RBCK1: variants seen among roughly 807,000 people sequenced by gnomAD.
The protein encoded by RBCK1 is RANBP2-type and C3HC4-type zinc finger containing 1.
A neutral mutation model predicts 71.1 loss-of-function variants in RBCK1; 44 were observed. The observed-to-expected ratio is 0.62, with a 90% CI of 0.49 to 0.80. RBCK1 has a LOEUF of 0.80. Among genes scored for constraint, RBCK1 ranks in the 30% least tolerant of loss-of-function variants. The pLI, the probability that RBCK1 is intolerant of heterozygous loss-of-function variation, is 0.00. For synonymous variants in RBCK1, 306 were observed against 279.7 expected, an observed-to-expected ratio of 1.09 and a Z score of -0.94; for missense variants, 569 against 685.0, an observed-to-expected ratio of 0.83 and a Z score of 1.89.
At chr20:421,070 T>C in intron 7 of RBCK1, 39 bp downstream of exon 7, 1 of 1,498,682 alleles carries the variant, frequency 6.7e-7, no homozygotes, top group African/African-American at 1.4e-5. Flanking sequence ...TGCAGCTTAA[T>C]CAAAGCCGCC....
At chr20:412,001 G>A (rs1172188572) in intron 2 of RBCK1, among the ~76,000 whole-genome samples, 1 of 152,174 alleles carries the variant, frequency 6.6e-6, no homozygotes, top group Admixed American at 6.5e-5. Flanking sequence ...ATACACACTA[G>A]CAGTGGAATT....
chr20:422,282 A>T lies in RBCK1; in HGVS notation c.1029+44A>T. 1.3e-6 allele frequency: 2 copies of T among 1,510,736 alleles called. No homozygotes were observed. Among genetic ancestry groups the T allele is most frequent in the Non-Finnish European group, 1.8e-6 (2 of 1,087,906 alleles). 93.6% of individuals were successfully genotyped at this position (1,510,736 alleles called of 1,614,324 possible). A position where few individuals can be genotyped will look rare whatever the true frequency, so the allele number is the denominator to read the frequency against. ...AGACATACCCCAAGTCCCAACTCCTAAGGAACTGGGCCCTGAGCAGGCAGC... is the reference window on the plus strand; with the variant it reads ...AGACATACCCCAAGTCCCAACTCCTTAGGAACTGGGCCCTGAGCAGGCAGC... On this transcript the variant is annotated intron_variant, in intron 8 of 11. Transcript: ENST00000356286. This position sits in a 1 kb window ranked among gnomAD's most constrained non-coding sequence, Gnocchi z 5.0.
intron 2 of RBCK1, among the ~76,000 whole-genome samples, chr20:412,044 T>C (rs1046176801): frequency 4.6e-5 from 7 of 152,368 alleles, no homozygotes; most frequent in Admixed American, 4.6e-4. Flanking sequence ...TGTTACTTTT[T>C]GAAGAAATGC....
At position 418,325 on chromosome 20, in the gene RBCK1, C is replaced by T. The variant is rs140458333; in HGVS notation, c.460+395C>T. 9.4e-4 allele frequency among the ~76,000 whole-genome samples: 143 copies of T among 152,146 alleles called. No individual in the cohort carries two copies. The Middle Eastern group carries it at 0.024, about 26-fold the overall frequency. ...AGTTGCTAAATTTTACAAAGTAGTA[C>T]ATAAAGAATTCCCATGTACCTTTCA... On this transcript the variant is annotated intron_variant, in intron 4 of 11. Transcript: ENST00000356286.
chr20:422,323 CTTTCT>C lies in RBCK1; in HGVS notation c.1029+89_1029+93del. The C allele has an allele frequency of 1.7e-6, 2 of 1,148,788 alleles. No individual in the cohort carries two copies. Among genetic ancestry groups the C allele is most frequent in the Non-Finnish European group, 2.5e-6 (2 of 788,828 alleles). 71.2% of individuals were successfully genotyped at this position (1,148,788 alleles called of 1,614,324 possible). On this transcript the variant is annotated intron_variant, in intron 8 of 11. Transcript: ENST00000356286. The surrounding 1 kb of genome is among the most constrained non-coding windows in gnomAD (Gnocchi z 5.0). ...AGCAGGCAGCAGACATCTTTCTTTT[CTTTCT>C]TTTTTTTTTTTGGAGATGGGGTCTC... is the stretch of plus-strand genomic sequence containing the variant.
intron 2 of RBCK1, 81 bp downstream of exon 2, chr20:410,106 C>A: frequency 6.8e-7 from 1 of 1,473,984 alleles, no homozygotes. Flanking sequence ...TTCCTAATGG[C>A]ACGTTCTGGC....
intron 4 of RBCK1, 96 bp from the exon 5 acceptor site, chr20:419,251 G>T (rs2016212668): frequency 6.5e-7 from 1 of 1,538,590 alleles, no homozygotes; most frequent in Non-Finnish European, 8.8e-7. Flanking sequence ...AGAGGATAGG[G>T]GGAGGGTCTG....
chr20:410,839 G>T, intron 2 of RBCK1: 2 of 320,276 alleles, frequency 6.2e-6, no homozygotes, highest in South Asian at 7.1e-5. Flanking sequence ...TCTCTTGGTG[G>T]GTCCCATTTG....
At chr20:411,228 G>A (rs1314300776) in intron 2 of RBCK1, among the ~76,000 whole-genome samples, 2 of 144,164 alleles carry the variant, frequency 1.4e-5, no homozygotes, top group South Asian at 2.2e-4. Flanking sequence ...TTTTTTTTTT[G>A]ACATGGGGTC....
At chr20:427,952 C>A (rs1220699764) in intron 9 of RBCK1, among the ~76,000 whole-genome samples, 4 of 152,200 alleles carry the variant, frequency 2.6e-5, no homozygotes, top group Non-Finnish European at 1.5e-5. Flanking sequence ...TGGCCCTATA[C>A]CACGTCTCCA....
rs963938598 is a variant in RBCK1, at chr20:420,813, G to T, written c.757-58G>T. The T allele has an allele frequency of 5.4e-6, 8 of 1,483,786 alleles. No homozygotes were observed. The African/African-American group carries it at 8.0e-5, about 15-fold the overall frequency. 91.9% of individuals were successfully genotyped at this position (1,483,786 alleles called of 1,614,324 possible). ...ACGCCCCCTGGCCCTTCCCCCTTCG[G>T]GGTCTGACCCGCCCCCGAGGCCCTG... On this transcript the variant is annotated intron_variant, in intron 6 of 11. Coordinates refer to ENST00000356286, the MANE Select transcript of RBCK1 (RefSeq NM_031229.4).
Position 408,563 on chromosome 20 carries a change from C to A in RBCK1, c.-195C>A. 1.4e-6 allele frequency: 1 copy of A among 695,540 alleles called. No homozygotes were observed. The highest frequency in any genetic ancestry group is 2.5e-6 in the Non-Finnish European group (1 of 401,148). 43.1% of individuals were successfully genotyped at this position (695,540 alleles called of 1,614,324 possible). On this transcript the variant is annotated 5_prime_UTR_variant, in exon 1 of 12. Transcript: ENST00000356286. ...CCTCTCACCGCCCCACGCAGGATCC[C>A]GGCCTGGTCACCGGGCAGTGTGATG...
intron 2 of RBCK1, 44 bp downstream of exon 2, chr20:410,069 A>G (rs1287447564): frequency 1.9e-6 from 3 of 1,588,580 alleles, no homozygotes; most frequent in Non-Finnish European, 2.6e-6. Flanking sequence ...ACAGCAGGAC[A>G]GGATATTCTT....
intron 6 of RBCK1, chr20:420,449 C>T (rs1233844030): frequency 2.1e-6 from 2 of 954,990 alleles, no homozygotes. Context: ...TCGTCACTTC[C>T]CCACCCCTGA....
At chr20:418,838 G>C (rs971979139) in intron 4 of RBCK1, among the ~76,000 whole-genome samples, 1 of 152,176 alleles carries the variant, frequency 6.6e-6, no homozygotes, top group Non-Finnish European at 1.5e-5. Flanking sequence ...ATCCAACTCA[G>C]GAAACTAACG....
intron 6 of RBCK1, chr20:420,335 A>C: frequency 1.0e-6 from 1 of 982,934 alleles, no homozygotes; most frequent in Non-Finnish European, 1.2e-6. Flanking sequence ...TTGATCCCCG[A>C]GTGCTCCCCA....
chr20:408,663 G>A lies in RBCK1; in HGVS notation c.-95G>A. On this transcript the variant is annotated 5_prime_UTR_variant, in exon 1 of 12. Transcript: ENST00000356286. ...GCCGGAGGCCACACGGCCTGGCTGA[G>A]TTGCTCCTGGTCTCCCGCCTCTCCC... The A allele has an allele frequency of 6.5e-7, 1 of 1,535,874 alleles. No individual in the cohort carries two copies. Among genetic ancestry groups the A allele is most frequent in the African/African-American group, 1.4e-5 (1 of 73,566 alleles).
At chr20:412,096 C>T (rs963012387) in intron 2 of RBCK1, among the ~76,000 whole-genome samples, 1 of 152,148 alleles carries the variant, frequency 6.6e-6, no homozygotes, top group Non-Finnish European at 1.5e-5. Flanking sequence ...TACATTCCCA[C>T]CAGCATATAT....
At chr20:410,679 C>A in intron 2 of RBCK1, 1 of 660,644 alleles carries the variant, frequency 1.5e-6, no homozygotes. Context: ...GTCTGTGCTC[C>A]AGGAGACTTA....
Sources: allele counts gnomAD v4.1 joint callset (sites outside exome capture counted in the v4.1 genomes callset), GRCh38; gene constraint gnomAD v4.1.1; non-coding constraint Gnocchi (gnomAD v3.1); transcripts MANE v1.5; gene names NCBI Gene and HGNC (gene_info 2026-07-23, HGNC 2026-07-21).